The following SRRM4 variants were observed in gnomAD, a reference collection of about 807,000 sequenced individuals.
The protein encoded by SRRM4 is serine/arginine repetitive matrix 4.
SRRM4 carries 33 observed loss-of-function variants against 68.9 expected under a neutral mutation model. The observed-to-expected ratio is 0.48, with a 90% CI of 0.36 to 0.64. The LOEUF (loss-of-function observed/expected upper bound fraction) is 0.64, where lower values mean the gene tolerates loss of function less well. Ranked by LOEUF, SRRM4 falls within the 30% of genes least tolerant of loss-of-function variation. The probability of loss-of-function intolerance (pLI) is 0.00; values close to 1 mark genes in which losing one functional copy is unlikely to be tolerated. For missense variants in SRRM4, 817 were observed against 827.1 expected (o/e 0.99, Z 0.15); for synonymous variants, 318 against 318.8 (o/e 1.00, Z 0.03).
At chr12:119,083,390 G>A in intron 1 of SRRM4, among the ~76,000 whole-genome samples, 1 of 151,938 alleles carries the variant, frequency 6.6e-6, no homozygotes, top group East Asian at 1.9e-4. Context: ...CATACACAAG[G>A]CAAGAATTAC....
At chr12:119,102,853 G>A (rs375586575) in intron 2 of SRRM4, among the ~76,000 whole-genome samples, 2 of 152,182 alleles carry the variant, frequency 1.3e-5, no homozygotes, top group East Asian at 3.9e-4. Context: ...AGTACTTTTT[G>A]AGCACCCACT....
intron 1 of SRRM4, among the ~76,000 whole-genome samples, chr12:119,019,330 TA>T (rs971942028): frequency 6.6e-6 from 1 of 152,116 alleles, no homozygotes; most frequent in African/African-American, 2.4e-5. Flanking sequence ...CGGGTTGAAA[TA>T]ATGGGTGTTC....
chr12:119,139,963 C>G (rs1315123117), intron 8 of SRRM4, among the ~76,000 whole-genome samples: 1 of 152,068 alleles, frequency 6.6e-6, no homozygotes, highest in African/African-American at 2.4e-5. Context: ...CAGGCATACA[C>G]TATGTAAGGA....
chr12:119,033,761 C>A (rs1394218339), intron 1 of SRRM4, among the ~76,000 whole-genome samples: 1 of 151,528 alleles, frequency 6.6e-6, no homozygotes. Context: ...ATTTTTCATT[C>A]TTTCTTTTAT....
intron 1 of SRRM4, among the ~76,000 whole-genome samples, chr12:119,019,307 G>T (rs779071618): frequency 6.6e-6 from 1 of 152,174 alleles, no homozygotes; most frequent in Non-Finnish European, 1.5e-5. Flanking sequence ...TCAAAGACAC[G>T]TCAACCATCC....
rs147497710 is a variant in SRRM4 at position 119,044,136 on chromosome 12, G to T, written c.132-58100G>T. The stretch of plus-strand genomic sequence containing the variant: ...CACGCCTCGGCCTCCCGAAGTGCTG[G>T]GATTATAGGCCTGAGCCACTGCACC... On this transcript the variant is annotated intron_variant, in intron 1 of 12. Coordinates refer to ENST00000267260, the MANE Select transcript of SRRM4 (RefSeq NM_194286.4). Among the ~76,000 whole-genome samples, 273 of 152,274 alleles carry T rather than the reference G, an allele frequency of 1.8e-3. 3 individuals carry two copies. The highest frequency in any genetic ancestry group is 6.1e-3 in the African/African-American group (253 of 41,530).
intron 8 of SRRM4, among the ~76,000 whole-genome samples, chr12:119,144,135 C>T (rs58019692): frequency 1.3e-5 from 2 of 152,128 alleles, no homozygotes; most frequent in East Asian, 3.9e-4. Context: ...GTTCTCGGGG[C>T]CCCTCTTTAT....
intron 1 of SRRM4, 36 bp downstream of exon 1, chr12:118,982,049 G>A (rs539816066): frequency 1.9e-6 from 3 of 1,584,392 alleles, no homozygotes; most frequent in South Asian, 2.3e-5. Context: ...GGATCCTGAA[G>A]GTCCTCCTTT....
rs1447637922 is a variant in SRRM4, at chr12:119,075,681, TGATGGTGATGATGAA to T, written c.132-26541_132-26527del. Among the ~76,000 whole-genome samples, 151 of 151,708 alleles carry T rather than the reference TGATGGTGATGATGAA, an allele frequency of 1.0e-3. 3 individuals carry two copies. Among genetic ancestry groups the T allele is most frequent in the Admixed American group, 6.2e-3 (94 of 15,228 alleles). ...GCGATGATGGTGATGATGATGGTGA[TGATGGTGATGATGAA>T]GATGGTGATGATGGTGATGTTGATG... On this transcript the variant is annotated intron_variant, in intron 1 of 12. Coordinates refer to ENST00000267260, the MANE Select transcript of SRRM4 (RefSeq NM_194286.4).
At chr12:119,137,630 GA>G (rs1483105622) in intron 8 of SRRM4, among the ~76,000 whole-genome samples, 2 of 136,420 alleles carry the variant, frequency 1.5e-5, no homozygotes, top group East Asian at 2.2e-4. Flanking sequence ...GAGAGAGAGA[GA>G]GAGGAGATAC....
intron 2 of SRRM4, among the ~76,000 whole-genome samples, chr12:119,104,511 C>T (rs1358461547): frequency 4.0e-5 from 6 of 151,168 alleles, no homozygotes; most frequent in Admixed American, 2.6e-4. Context: ...ATTATAATAA[C>T]AGAAACCCCT....
chr12:119,047,329 T>A (rs1594042946), intron 1 of SRRM4, among the ~76,000 whole-genome samples: 1 of 152,034 alleles, frequency 6.6e-6, no homozygotes, highest in East Asian at 1.9e-4. Context: ...TTATTAACTT[T>A]AAAATTTTTT....
At chr12:119,123,976 AT>A (rs1954241041) in intron 6 of SRRM4, among the ~76,000 whole-genome samples, 1 of 152,212 alleles carries the variant, frequency 6.6e-6, no homozygotes, top group Admixed American at 6.5e-5. Flanking sequence ...AGGAGGCAGC[AT>A]CTAAGCCGCA....
intron 1 of SRRM4, among the ~76,000 whole-genome samples, chr12:119,025,290 A>AG: frequency 6.6e-6 from 1 of 152,026 alleles, no homozygotes; most frequent in African/African-American, 2.4e-5. Flanking sequence ...TCTGCATTTC[A>AG]GGGGGGCTGG....
chr12:119,151,301 G>A (rs1354492789), intron 10 of SRRM4, 81 bp downstream of exon 10: 1 of 1,316,170 alleles, frequency 7.6e-7, no homozygotes, highest in Non-Finnish European at 1.1e-6. Context: ...TTGACCCATG[G>A]GGGAGAGAAG....
chr12:119,083,461 C>T (rs1953961632), intron 1 of SRRM4, among the ~76,000 whole-genome samples: 1 of 152,056 alleles, frequency 6.6e-6, no homozygotes, highest in African/African-American at 2.4e-5. Flanking sequence ...AATATCCCAG[C>T]TCCCTGGTGC....
chr12:119,038,135 A>T (rs959993613), intron 1 of SRRM4, among the ~76,000 whole-genome samples: 9 of 152,182 alleles, frequency 5.9e-5, no homozygotes, highest in African/African-American at 1.9e-4. Context: ...TTGACAGTCC[A>T]GTAGCAACAC....
chr12:119,141,516 G>C (rs866703735), intron 8 of SRRM4, among the ~76,000 whole-genome samples: 4 of 152,174 alleles, frequency 2.6e-5, no homozygotes, highest in African/African-American at 9.6e-5. Context: ...ACGATTCTCA[G>C]TGTGATGGAG....
chr12:119,112,365 G>T (rs547494843), intron 2 of SRRM4, among the ~76,000 whole-genome samples: 6 of 152,322 alleles, frequency 3.9e-5, no homozygotes, highest in African/African-American at 1.4e-4. Flanking sequence ...ATGTAAATTA[G>T]TTCAACCATT....
Sources: gnomAD v4.1 joint callset for allele counts (sites outside exome capture counted in the v4.1 genomes callset) on GRCh38, gnomAD v4.1.1 for gene constraint, MANE v1.5 for transcripts, NCBI Gene and HGNC (gene_info 2026-07-23, HGNC 2026-07-21) for gene names.